Variants in GALNT9 observed in about 807,000 individuals in gnomAD.
GALNT9 encodes the protein polypeptide N-acetylgalactosaminyltransferase 9, also known as GalNAc transferase 9.
A neutral mutation model predicts 63.1 loss-of-function variants in GALNT9; 47 were observed. That is an observed-to-expected ratio of 0.75 (90% CI 0.59 to 0.95). The LOEUF (loss-of-function observed/expected upper bound fraction) is 0.95, where lower values mean the gene tolerates loss of function less well. GALNT9 is among the 40% of genes least tolerant of loss of function. GALNT9 has a pLI of 0.00. For synonymous variants in GALNT9, 396 were observed against 365.7 expected, an observed-to-expected ratio of 1.08 and a Z score of -0.94; for missense variants, 829 against 874.8, an observed-to-expected ratio of 0.95 and a Z score of 0.66.
At chr12:132,266,051 C>T (rs1037179592) in intron 2 of GALNT9, among the ~76,000 whole-genome samples, 31 of 135,688 alleles carry the variant, frequency 2.3e-4, no homozygotes, top group African/African-American at 8.4e-4. Context: ...TCAACAGGCA[C>T]GCACAGCCAA....
chr12:132,207,666 A>G (rs986967406), intron 6 of GALNT9, among the ~76,000 whole-genome samples: 2 of 152,142 alleles, frequency 1.3e-5, no homozygotes, highest in Admixed American at 1.3e-4. Context: ...AACTTCCATC[A>G]TTAGCTGAGG....
intron 7 of GALNT9, among the ~76,000 whole-genome samples, chr12:132,201,879 G>C (rs1272088578): frequency 6.6e-6 from 1 of 151,998 alleles, no homozygotes; most frequent in African/African-American, 2.4e-5. Flanking sequence ...TGCGGTGTCT[G>C]TGTCTTCCTG....
intron 1 of GALNT9, among the ~76,000 whole-genome samples, chr12:132,303,700 C>A (rs1388384283): frequency 1.1e-5 from 1 of 89,922 alleles, no homozygotes; most frequent in Non-Finnish European, 2.2e-5. Context: ...CACACCCTCA[C>A]CGGGGCACAC....
chr12:132,255,658 A>G (rs1879079376), intron 5 of GALNT9, among the ~76,000 whole-genome samples: 1 of 152,222 alleles, frequency 6.6e-6, no homozygotes, highest in Non-Finnish European at 1.5e-5. Flanking sequence ...AAATCTTTGA[A>G]TCCGCCCATG....
intron 1 of GALNT9, among the ~76,000 whole-genome samples, chr12:132,300,207 T>G (rs1299135145): frequency 6.4e-5 from 6 of 93,362 alleles, no homozygotes; most frequent in East Asian, 6.6e-4. Flanking sequence ...CACACCTAAC[T>G]CATCCCTGAG....
At chr12:132,222,998 A>C (rs1877524024) in intron 6 of GALNT9, among the ~76,000 whole-genome samples, 1 of 124,842 alleles carries the variant, frequency 8.0e-6, no homozygotes, top group Non-Finnish European at 1.7e-5. Flanking sequence ...CACCCCACAT[A>C]CACCCCACAC....
intron 6 of GALNT9, among the ~76,000 whole-genome samples, chr12:132,203,934 C>T (rs1158237004): frequency 1.3e-5 from 2 of 152,122 alleles, no homozygotes; most frequent in East Asian, 1.9e-4. Context: ...GTGCGTTACA[C>T]GATGGCTGTG....
intron 6 of GALNT9, among the ~76,000 whole-genome samples, chr12:132,208,850 C>T (rs1356864268): frequency 6.6e-6 from 1 of 152,214 alleles, no homozygotes; most frequent in Admixed American, 6.5e-5. Context: ...CTGGCAAAGA[C>T]CCTCACTCCT....
intron 6 of GALNT9, among the ~76,000 whole-genome samples, chr12:132,220,370 G>C (rs1877402087): frequency 6.6e-6 from 1 of 152,132 alleles, no homozygotes; most frequent in African/African-American, 2.4e-5. Context: ...TAATTAAAGA[G>C]GTCTTAGGAC....
intron 1 of GALNT9, among the ~76,000 whole-genome samples, chr12:132,304,318 G>C (rs1195711422): frequency 8.4e-5 from 5 of 59,438 alleles, no homozygotes; most frequent in South Asian, 7.1e-4. Flanking sequence ...CCCGGGCACA[G>C]AATCGCCCAG....
chr12:132,222,452 T>G (rs1442351863), intron 6 of GALNT9, among the ~76,000 whole-genome samples: 1 of 152,092 alleles, frequency 6.6e-6, no homozygotes, highest in Non-Finnish European at 1.5e-5. Flanking sequence ...CTAATTCCTG[T>G]GTATCAAAAA....
chr12:132,326,967 C>A, intron 1 of GALNT9, among the ~76,000 whole-genome samples: 1 of 152,200 alleles, frequency 6.6e-6, no homozygotes, highest in South Asian at 2.1e-4. Context: ...TGTCTCCCAT[C>A]ATTTCCTGGG....
chr12:132,324,291 G>A (rs1210365081), intron 1 of GALNT9, among the ~76,000 whole-genome samples: 2 of 152,160 alleles, frequency 1.3e-5, no homozygotes, highest in African/African-American at 2.4e-5. Context: ...CACGCGTGGC[G>A]GCAGCCAGGC....
intron 6 of GALNT9, among the ~76,000 whole-genome samples, chr12:132,226,261 CGGT>C (rs1877683832): frequency 6.7e-6 from 1 of 150,346 alleles, no homozygotes; most frequent in Non-Finnish European, 1.5e-5. Context: ...ACCCCACACA[CGGT>C]ACATACACAC....
At chr12:132,287,209 C>T (rs998674155) in intron 1 of GALNT9, among the ~76,000 whole-genome samples, 2 of 152,186 alleles carry the variant, frequency 1.3e-5, no homozygotes, top group Admixed American at 6.5e-5. Context: ...GCAGCATTGG[C>T]TCATCGACAG....
intron 6 of GALNT9, among the ~76,000 whole-genome samples, chr12:132,214,967 G>A (rs1877123072): frequency 6.6e-6 from 1 of 152,256 alleles, no homozygotes; most frequent in South Asian, 2.1e-4. Flanking sequence ...CTGGCTGACA[G>A]GCAAAGCCAG....
chr12:132,245,366 C>T lies in GALNT9; in HGVS notation c.1077+2544G>A, dbSNP rs1307040377. ...CTGAAGCAGGAGAATCAGTTGAACCCGGGAGGTGGAGGTTGCAGTGAGCAG... is the reference window on the plus strand; with the variant it reads ...CTGAAGCAGGAGAATCAGTTGAACCTGGGAGGTGGAGGTTGCAGTGAGCAG... On this transcript the variant is annotated intron_variant, in intron 6 of 10. Coordinates refer to ENST00000328957, the MANE Select transcript of GALNT9 (RefSeq NM_001122636.2). The surrounding 1 kb of genome is among the most constrained non-coding windows in gnomAD (Gnocchi z 6.3). Among the ~76,000 whole-genome samples, 1 of 152,068 alleles carries T rather than the reference C, an allele frequency of 6.6e-6. No individual in the cohort carries two copies. The highest frequency in any genetic ancestry group is 1.5e-5 in the Non-Finnish European group (1 of 68,000).
intron 1 of GALNT9, among the ~76,000 whole-genome samples, chr12:132,303,309 C>T (rs1244673626): frequency 6.6e-6 from 1 of 151,958 alleles, no homozygotes; most frequent in East Asian, 1.9e-4. Context: ...CTTCATTTAA[C>T]ACGAGAGGCA....
At chr12:132,251,658 G>A (rs1269603180) in intron 5 of GALNT9, among the ~76,000 whole-genome samples, 3 of 152,122 alleles carry the variant, frequency 2.0e-5, no homozygotes, top group Non-Finnish European at 4.4e-5. Flanking sequence ...TCTCCTCCCC[G>A]CAGGCCCAGC....
Sources: allele counts gnomAD v4.1 joint callset (sites outside exome capture counted in the v4.1 genomes callset), GRCh38; gene constraint gnomAD v4.1.1; non-coding constraint Gnocchi (gnomAD v3.1); transcripts MANE v1.5; gene names NCBI Gene and HGNC (gene_info 2026-07-23, HGNC 2026-07-21).